Variants in WIPI2 observed in about 807,000 individuals in gnomAD.
The protein encoded by WIPI2 is WD repeat domain phosphoinositide-interacting protein 2.
In WIPI2, 28 loss-of-function variants were observed where a neutral mutation model predicts 52.3. The observed-to-expected ratio is 0.54, with a 90% CI of 0.40 to 0.73. The LOEUF (loss-of-function observed/expected upper bound fraction) is 0.73. Among genes scored for constraint, WIPI2 ranks in the 30% least tolerant of loss-of-function variants. The pLI, the probability that WIPI2 is intolerant of heterozygous loss-of-function variation, is 0.00. For synonymous variants in WIPI2, 268 were observed against 245.0 expected, an observed-to-expected ratio of 1.09 and a Z score of -0.88; for missense variants, 506 against 602.9, an observed-to-expected ratio of 0.84 and a Z score of 1.68.
intron 1 of WIPI2, among the ~76,000 whole-genome samples, chr7:5,191,423 A>G (rs923139840): frequency 1.3e-5 from 2 of 152,192 alleles, no homozygotes; most frequent in Non-Finnish European, 2.9e-5. Flanking sequence ...AAACTGAGCC[A>G]AGAGAGGCGT....
intron 8 of WIPI2, 89 bp downstream of exon 8, chr7:5,222,761 C>T (rs1783207734): frequency 2.4e-6 from 3 of 1,264,406 alleles, no homozygotes; most frequent in Admixed American, 3.7e-5. Flanking sequence ...GTAGAACCCC[C>T]AGGAGAATTC....
In WIPI2 at chr7:5,217,113, A is replaced by G; in HGVS notation, c.502A>G (p.Asn168Asp). 6.2e-7 allele frequency: 1 copy of G among 1,613,526 alleles called. No homozygotes were observed. ...PAGLCALSINNDNCYLAYPGS... is the reference protein window; with the variant it reads ...PAGLCALSINDDNCYLAYPGS... Reference sequence around the variant, plus strand: ...AGGCCTGTGTGCGCTGTCAATCAACAACGACAACTGCTACTTGGCGTACCC... The same window carrying G: ...AGGCCTGTGTGCGCTGTCAATCAACGACGACAACTGCTACTTGGCGTACCC... The change falls in exon 6 of 13, where the codon AAC becomes GAC. Residue 168 changes from asparagine (N) to aspartate (D), a missense_variant. By Grantham distance (23) the Asn-to-Asp change is conservative. Around this residue, in one of 4 missense-constraint regions of WIPI2, gnomAD observed 237 missense variants for 346.9 expected, o/e 0.68. Transcript: ENST00000288828.
At chr7:5,210,848 T>C (rs1456174790) in intron 3 of WIPI2, among the ~76,000 whole-genome samples, 1 of 152,148 alleles carries the variant, frequency 6.6e-6, no homozygotes, top group East Asian at 1.9e-4. Flanking sequence ...CCTCGTTTTG[T>C]GTGTGCTTCC....
chr7:5,224,710 T>TA (rs1476323786), intron 8 of WIPI2, among the ~76,000 whole-genome samples: 2 of 152,168 alleles, frequency 1.3e-5, no homozygotes, highest in Non-Finnish European at 2.9e-5. Flanking sequence ...AGTTCATTGA[T>TA]CTGTGTGGGG....
At position 5,229,580 on chromosome 7, in the gene WIPI2, C is replaced by G. The variant is rs75141902; in HGVS notation, c.1122-28C>G. The stretch of plus-strand genomic sequence containing the variant: ...CGCAGGGCTGCCCTGTGTGGAGACG[C>G]TGAGCTGTGTCGCTTTCTTCCCTCC... On this transcript the variant is annotated intron_variant, in intron 11 of 12. Coordinates refer to ENST00000288828, the MANE Select transcript of WIPI2 (RefSeq NM_015610.4). 5.0e-3 allele frequency: 8,070 copies of G among 1,606,610 alleles called. 347 individuals are homozygous for G. In the African/African-American group the frequency reaches 0.094, roughly 19 times the overall value.
intron 2 of WIPI2, 160 bp downstream of exon 2, chr7:5,193,331 C>A: frequency 6.9e-7 from 1 of 1,443,900 alleles, no homozygotes; most frequent in South Asian, 1.6e-5. Context: ...CAGTGGATAC[C>A]ACAGCTTGTG....
chr7:5,197,429 T>C (rs1156239951), intron 2 of WIPI2, among the ~76,000 whole-genome samples: 1 of 152,196 alleles, frequency 6.6e-6, no homozygotes, highest in Non-Finnish European at 1.5e-5. Flanking sequence ...ACTCTATTCT[T>C]CTTGGTTCTT....
Position 5,214,511 on chromosome 7 carries a change from A to G in WIPI2, c.212-24A>G, listed in dbSNP as rs761441325. On this transcript the variant is annotated intron_variant, in intron 3 of 12. Coordinates refer to ENST00000288828, the MANE Select transcript of WIPI2 (RefSeq NM_015610.4). Reference sequence around the variant, plus strand: ...CATAGCCATGTGGAGATGTTCACGCATGTACTTCCCTTTGTGATTTCAGCC... The same window carrying G: ...CATAGCCATGTGGAGATGTTCACGCGTGTACTTCCCTTTGTGATTTCAGCC... 29 of 1,614,038 alleles carry G rather than the reference A, an allele frequency of 1.8e-5. No individual in the cohort carries two copies. The East Asian group carries it at 5.8e-4, about 32-fold the overall frequency.
rs535590322 is a variant in WIPI2, at chr7:5,223,695, G to A, written c.740+1023G>A. Reference sequence around the variant, plus strand: ...GCCTGGCTTCCTTCTTGAGGTGCCCGTATTCCTCCTGCCTGCTGGGCACTG... The same window carrying A: ...GCCTGGCTTCCTTCTTGAGGTGCCCATATTCCTCCTGCCTGCTGGGCACTG... On this transcript the variant is annotated intron_variant, in intron 8 of 12. Coordinates refer to ENST00000288828, the MANE Select transcript of WIPI2 (RefSeq NM_015610.4). 4.6e-5 allele frequency among the ~76,000 whole-genome samples: 7 copies of A among 152,262 alleles called. No homozygotes were observed. The East Asian group carries it at 7.7e-4, about 17-fold the overall frequency.
rs763867204 is a variant in WIPI2 at position 5,217,962 on chromosome 7, C to T, written c.617C>T (p.Ala206Val). The T allele has an allele frequency of 4.3e-6, 7 of 1,614,236 alleles. No individual in the cohort carries two copies. The highest frequency in any genetic ancestry group is 5.9e-6 in the Non-Finnish European group (7 of 1,180,032). ...ATTCCGGCTCACGACAGTCCTTTAG[C>T]GGCACTGGCCTTTGACGCAAGTGGA... ...NMIPAHDSPL[A>V]ALAFDASGTK... is the part of the protein sequence containing the mutation. The change falls in exon 7 of 13, where the codon GCG becomes GTG. Residue 206 changes from alanine to valine, a missense_variant. By Grantham distance (64) the Ala-to-Val change is moderately conservative (BLOSUM62 0). Transcript: ENST00000288828.
At chr7:5,222,750 AGTAG>A (rs1783206951) in intron 8 of WIPI2, 78 bp downstream of exon 8, 1 of 1,408,050 alleles carries the variant, frequency 7.1e-7, no homozygotes, top group Non-Finnish European at 1.0e-6. Flanking sequence ...TGAACAAACA[AGTAG>A]AACCCCCAGG....
intron 3 of WIPI2, 107 bp downstream of exon 3, chr7:5,199,765 C>T (rs1781936356): frequency 5.5e-6 from 6 of 1,094,738 alleles, no homozygotes; most frequent in Non-Finnish European, 7.8e-6. Flanking sequence ...TCCAGACACC[C>T]TCTTACCAGT....
At position 5,229,495 on chromosome 7, in the gene WIPI2, G is replaced by A. The variant is rs962170195; in HGVS notation, c.1122-113G>A. ...TGCCACGGCGTGATGAATGCCTGGCGTCCTGTGTGGTGAGTGGTGTGCTGG... is the reference window on the plus strand; with the variant it reads ...TGCCACGGCGTGATGAATGCCTGGCATCCTGTGTGGTGAGTGGTGTGCTGG... On this transcript the variant is annotated intron_variant, in intron 11 of 12. Coordinates refer to ENST00000288828, the MANE Select transcript of WIPI2 (RefSeq NM_015610.4). 65 of 1,319,724 alleles carry A rather than the reference G, an allele frequency of 4.9e-5. No individual in the cohort carries two copies. The South Asian group carries it at 6.5e-4, about 13-fold the overall frequency. 81.8% of individuals were successfully genotyped at this position (1,319,724 alleles called of 1,614,324 possible).
intron 7 of WIPI2, among the ~76,000 whole-genome samples, chr7:5,221,388 A>G (rs1783121929): frequency 6.6e-6 from 1 of 152,144 alleles, no homozygotes; most frequent in African/African-American, 2.4e-5. Context: ...GATATTCTTA[A>G]CAGTTTTTAT....
chr7:5,208,318 C>G (rs1389555710), intron 3 of WIPI2, among the ~76,000 whole-genome samples: 1 of 151,848 alleles, frequency 6.6e-6, no homozygotes, highest in East Asian at 1.9e-4. Context: ...GGATACCAGT[C>G]CTTTGTCAGA....
intron 3 of WIPI2, among the ~76,000 whole-genome samples, chr7:5,212,407 G>A (rs13227919): frequency 0.14 from 21,882 of 152,192 alleles, 1,689 homozygotes; most frequent in East Asian, 0.3. Flanking sequence ...AGAGTGAGAG[G>A]CTAGACAGTG....
chr7:5,228,312 T>C, intron 11 of WIPI2, 101 bp downstream of exon 11: 1 of 1,116,172 alleles, frequency 9.0e-7, no homozygotes, highest in Non-Finnish European at 1.2e-6. Flanking sequence ...ACCAGTGACA[T>C]AGAGGGGCAG....
At chr7:5,197,335 A>G (rs1781804117) in intron 2 of WIPI2, among the ~76,000 whole-genome samples, 2 of 152,122 alleles carry the variant, frequency 1.3e-5, no homozygotes, top group Admixed American at 6.6e-5. Context: ...ACCCTTAGTT[A>G]TCTGGAAAAT....
chr7:5,209,670 C>A (rs1782458520), intron 3 of WIPI2, among the ~76,000 whole-genome samples: 1 of 152,158 alleles, frequency 6.6e-6, no homozygotes, highest in South Asian at 2.1e-4. Flanking sequence ...TCACAGTTAA[C>A]ACCTGCTGCT....
Sources: allele counts gnomAD v4.1 joint callset (sites outside exome capture counted in the v4.1 genomes callset), GRCh38; gene constraint gnomAD v4.1.1; regional missense constraint gnomAD v4.1.1; transcripts MANE v1.5; gene names NCBI Gene and HGNC (gene_info 2026-07-23, HGNC 2026-07-21).